The following ZBBX variants were observed in gnomAD, a reference collection of about 807,000 sequenced individuals.
ZBBX encodes the protein zinc finger B-box domain containing.
A neutral mutation model predicts 108.5 loss-of-function variants in ZBBX; 101 were observed. That is an observed-to-expected ratio of 0.93 (90% CI 0.79 to 1.10). ZBBX has a LOEUF of 1.10. ZBBX is among the 50% of genes least tolerant of loss of function. The pLI is 0.00. For missense variants in ZBBX, 1,009 were observed against 941.4 expected (o/e 1.07, Z -0.94); for synonymous variants, 356 against 323.4 (o/e 1.10, Z -1.08).
chr3:167,197,716 G>A, the ZBBX span, among the ~76,000 whole-genome samples: 65 of 152,168 alleles, frequency 4.3e-4, no homozygotes, highest in East Asian at 3.7e-3. Context: ...GTCATATTCC[G>A]AAAGTTGATT....
intron 1 of ZBBX, among the ~76,000 whole-genome samples, chr3:167,387,278 T>C (rs935409345): frequency 3.3e-5 from 5 of 151,994 alleles, no homozygotes; most frequent in Non-Finnish European, 7.4e-5. Context: ...TCTGTACTTG[T>C]GAAAAATATA....
At chr3:167,223,530 C>A in the ZBBX span, among the ~76,000 whole-genome samples, 151 of 152,012 alleles carry the variant, frequency 9.9e-4, no homozygotes, top group Admixed American at 2.1e-3. Flanking sequence ...GGGCAAATCA[C>A]TTAACCTTCC....
intron 12 of ZBBX, among the ~76,000 whole-genome samples, chr3:167,320,413 A>C (rs1361064164): frequency 6.6e-6 from 1 of 151,944 alleles, no homozygotes; most frequent in African/African-American, 2.4e-5. Flanking sequence ...CATAAAGAAA[A>C]AATAATAAAA....
chr3:167,367,968 GTATATATA>G (rs927024323), intron 5 of ZBBX, among the ~76,000 whole-genome samples: 1 of 21,908 alleles, frequency 4.6e-5, no homozygotes, highest in Non-Finnish European at 1.0e-4. Context: ...TTATATATAT[GTATATATA>G]TATATATATA....
At chr3:167,194,236 A>ATG in the ZBBX span, among the ~76,000 whole-genome samples, 1 of 143,882 alleles carries the variant, frequency 7.0e-6, no homozygotes, top group Non-Finnish European at 1.6e-5. Flanking sequence ...CTAAATATAT[A>ATG]TATATATATA....
At chr3:167,376,521 A>G (rs1746983512) in intron 2 of ZBBX, among the ~76,000 whole-genome samples, 1 of 152,212 alleles carries the variant, frequency 6.6e-6, no homozygotes, top group Non-Finnish European at 1.5e-5. Flanking sequence ...AAATTGCTAT[A>G]ATTTTGCTTA....
the ZBBX span, among the ~76,000 whole-genome samples, chr3:167,224,385 C>A: frequency 6.6e-6 from 1 of 151,814 alleles, no homozygotes; most frequent in African/African-American, 2.4e-5. Flanking sequence ...TAGGAAATCT[C>A]TTTTTCCTGT....
the ZBBX span, among the ~76,000 whole-genome samples, chr3:167,197,388 A>G: frequency 6.6e-6 from 1 of 152,074 alleles, no homozygotes; most frequent in Admixed American, 6.5e-5. Context: ...AATACAAAAA[A>G]TTAGCCGGGT....
At chr3:167,267,606 C>T (rs1488858151) in intron 20 of ZBBX, among the ~76,000 whole-genome samples, 1 of 152,154 alleles carries the variant, frequency 6.6e-6, no homozygotes, top group East Asian at 1.9e-4. Flanking sequence ...GGGTCCACTC[C>T]TCAAGCCCTC....
chr3:167,324,446 G>A (rs1015719685), intron 11 of ZBBX, among the ~76,000 whole-genome samples: 2 of 152,068 alleles, frequency 1.3e-5, no homozygotes, highest in Non-Finnish European at 2.9e-5. Context: ...GGATTCCAGA[G>A]CTGTGACCTG....
the ZBBX span, among the ~76,000 whole-genome samples, chr3:167,210,066 G>T: frequency 1.3e-5 from 2 of 151,148 alleles, no homozygotes; most frequent in Non-Finnish European, 3.0e-5. Context: ...CTCCAGCCTA[G>T]GTGACAGAGT....
intron 18 of ZBBX, among the ~76,000 whole-genome samples, chr3:167,289,701 G>C (rs982980707): frequency 6.6e-6 from 1 of 152,164 alleles, no homozygotes; most frequent in Non-Finnish European, 1.5e-5. Flanking sequence ...GCTAGCCACA[G>C]GAGTTTATTT....
At chr3:167,347,506 C>A (rs2108477041) in intron 9 of ZBBX, among the ~76,000 whole-genome samples, 1 of 152,024 alleles carries the variant, frequency 6.6e-6, no homozygotes, top group African/African-American at 2.4e-5. Flanking sequence ...TACATGAAAC[C>A]ACATACATGC....
At chr3:167,220,547 G>A in the ZBBX span, among the ~76,000 whole-genome samples, 122,240 of 151,902 alleles carry the variant, frequency 0.8, 49,489 homozygotes, top group East Asian at 0.91. Flanking sequence ...CCATTATGAT[G>A]AAAACCCTCA....
rs1435428675 is a variant in ZBBX, at chr3:167,240,049, A to T, written c.*744T>A. ...TCACGAGAACAGCAGCATAGGGGTA[A>T]CTGCCCCCATGATTCAATTACTTCC... On this transcript the variant is annotated 3_prime_UTR_variant, in exon 22 of 22. Coordinates refer to ENST00000675490, the MANE Select transcript of ZBBX (RefSeq NM_001199201.2). Among the ~76,000 whole-genome samples the T allele has an allele frequency of 6.6e-6, 1 of 152,110 alleles. No individual in the cohort carries two copies. The highest frequency in any genetic ancestry group is 1.5e-5 in the Non-Finnish European group (1 of 68,014).
upstream of ZBBX, among the ~76,000 whole-genome samples, chr3:167,384,665 A>G (rs1050541135): frequency 6.6e-6 from 1 of 152,092 alleles, no homozygotes; most frequent in East Asian, 1.9e-4. Flanking sequence ...TACAGAAGAC[A>G]TAGTATTGAG....
At chr3:167,195,123 A>G in the ZBBX span, among the ~76,000 whole-genome samples, 4 of 152,294 alleles carry the variant, frequency 2.6e-5, no homozygotes, top group South Asian at 4.1e-4. Flanking sequence ...TTTGTGTTAG[A>G]TGCAACTTCC....
rs761578033 is a variant in ZBBX, at chr3:167,317,090, A to G, written c.1109T>C (p.Val370Ala). The G allele has an allele frequency of 2.5e-6, 4 of 1,607,650 alleles. No individual in the cohort carries two copies. Among genetic ancestry groups the G allele is most frequent in the Non-Finnish European group, 3.4e-6 (4 of 1,175,848 alleles). The change falls in exon 14 of 22, where the codon GTA (valine) becomes GCA (alanine). Residue 370 changes from valine (V) to alanine (A), a missense_variant. Val to Ala is a moderately conservative substitution (Grantham distance 64, BLOSUM62 0). Coordinates refer to ENST00000675490, the MANE Select transcript of ZBBX (RefSeq NM_001199201.2). ...DEDSDGEETK[V>A]QHTALLLPVE... is the part of the protein sequence containing the mutation. ...TGGCAATAAAAGAGCTGTGTGTTGT[A>G]CTTTGGTCTCCTCACCTAGGAAATA...
chr3:167,264,685 T>C (rs1725169154), intron 20 of ZBBX, among the ~76,000 whole-genome samples: 1 of 152,220 alleles, frequency 6.6e-6, no homozygotes, highest in Non-Finnish European at 1.5e-5. Flanking sequence ...TATTCTGTGC[T>C]TTTTTCTGTG....
Sources: gnomAD v4.1 joint callset for allele counts (sites outside exome capture counted in the v4.1 genomes callset) on GRCh38, gnomAD v4.1.1 for gene constraint, MANE v1.5 for transcripts, NCBI Gene and HGNC (gene_info 2026-07-23, HGNC 2026-07-21) for gene names.